Variants in YES1 observed in about 807,000 individuals in gnomAD.
YES1 encodes the protein YES proto-oncogene 1, Src family tyrosine kinase, also known as tyrosine-protein kinase Yes.
YES1 carries 39 observed loss-of-function variants against 70.4 expected under a neutral mutation model. The observed-to-expected ratio is 0.55, with a 90% CI of 0.43 to 0.72. The LOEUF is 0.72. Ranked by LOEUF, YES1 falls within the 30% of genes least tolerant of loss-of-function variation. The probability of loss-of-function intolerance (pLI) is 0.00; values close to 1 mark genes in which losing one functional copy is unlikely to be tolerated. For missense variants in YES1, 495 were observed against 644.8 expected (o/e 0.77, Z 2.52); for synonymous variants, 198 against 218.6 (o/e 0.91, Z 0.83).
chr18:774,412 T>A (rs901347958), intron 1 of YES1, among the ~76,000 whole-genome samples: 13 of 152,196 alleles, frequency 8.5e-5, no homozygotes, highest in African/African-American at 2.9e-4. Flanking sequence ...ATACCTTCAC[T>A]TGGACGTCTA....
intron 1 of YES1, among the ~76,000 whole-genome samples, chr18:762,147 C>G (rs974702072): frequency 6.6e-6 from 1 of 152,062 alleles, no homozygotes; most frequent in African/African-American, 2.4e-5. Flanking sequence ...GTGGAGAAAC[C>G]CTGTCTCTAC....
intron 8 of YES1, 98 bp from the exon 9 acceptor site, chr18:739,909 T>A (rs1442513085): frequency 2.3e-6 from 2 of 868,686 alleles, no homozygotes; most frequent in Non-Finnish European, 3.3e-6. Context: ...CAAAACTTCT[T>A]AGCTTTTCAT....
intron 1 of YES1, among the ~76,000 whole-genome samples, chr18:807,914 G>GTA (rs1907179869): frequency 6.6e-6 from 1 of 152,030 alleles, no homozygotes; most frequent in Admixed American, 6.6e-5. Context: ...GTGAAATGAA[G>GTA]TATAATGCTT....
intron 11 of YES1, among the ~76,000 whole-genome samples, chr18:728,317 T>C (rs1407175369): frequency 2.9e-5 from 3 of 105,038 alleles, no homozygotes; most frequent in Non-Finnish European, 5.8e-5. Flanking sequence ...ACAGAGACCC[T>C]GTCTCAAAAA....
chr18:812,330 C>G (rs945858723), upstream of YES1: 3 of 6,280 alleles, frequency 4.8e-4, no homozygotes, highest in South Asian at 0.012. Context: ...CTCCTCCGCC[C>G]CCCCCCCCCG....
At chr18:802,677 A>T (rs2145836753) in intron 1 of YES1, among the ~76,000 whole-genome samples, 1 of 152,314 alleles carries the variant, frequency 6.6e-6, no homozygotes. Context: ...GTTATGGCAT[A>T]TGGAACAGGC....
intron 1 of YES1, among the ~76,000 whole-genome samples, chr18:798,763 G>C (rs1598944950): frequency 6.6e-6 from 1 of 152,116 alleles, no homozygotes; most frequent in African/African-American, 2.4e-5. Context: ...CTCCTTCAGG[G>C]GGTACACTGT....
At chr18:734,791 G>T (rs141278786) in intron 10 of YES1, among the ~76,000 whole-genome samples, 27 of 152,202 alleles carry the variant, frequency 1.8e-4, no homozygotes, top group African/African-American at 5.8e-4. Context: ...AAAACAGTAT[G>T]GAAACTCCTT....
intron 11 of YES1, among the ~76,000 whole-genome samples, chr18:732,435 T>TAAAAAAAAA (rs11460599): frequency 3.3e-5 from 3 of 90,494 alleles, no homozygotes; most frequent in Non-Finnish European, 4.1e-5. Context: ...AGACTGTGTT[T>TAAAAAAAAA]AAAAAAAAAA....
chr18:725,105 TTATC>T (rs2080001755), intron 11 of YES1, among the ~76,000 whole-genome samples: 1 of 152,258 alleles, frequency 6.6e-6, no homozygotes, highest in African/African-American at 2.4e-5. Context: ...GAAAGTTTCC[TTATC>T]TAATATTACC....
chr18:761,087 C>A (rs1039529402), intron 1 of YES1, among the ~76,000 whole-genome samples: 1 of 152,076 alleles, frequency 6.6e-6, no homozygotes, highest in Non-Finnish European at 1.5e-5. Flanking sequence ...TTTGTGGTTA[C>A]CAGACTGGAA....
chr18:804,925 A>AAAAAAAAAC (rs1555692642), intron 1 of YES1, among the ~76,000 whole-genome samples: 3 of 150,924 alleles, frequency 2.0e-5, no homozygotes, highest in South Asian at 2.1e-4. Context: ...AAAAAAAAAA[A>AAAAAAAAAC]CACAAACCAA....
At chr18:765,247 ACTATATATATATATATAT>A (rs1568204686) in intron 1 of YES1, among the ~76,000 whole-genome samples, 1 of 62,362 alleles carries the variant, frequency 1.6e-5, no homozygotes, top group African/African-American at 5.6e-5. Flanking sequence ...AAGAGTTACA[ACTATATATATATATATAT>A]ATATATATAT....
chr18:807,095 C>A (rs1207759996), intron 1 of YES1, among the ~76,000 whole-genome samples: 1 of 152,118 alleles, frequency 6.6e-6, no homozygotes, highest in African/African-American at 2.4e-5. Context: ...CACGGTGAGA[C>A]CCCATCTCTC....
chr18:726,153 C>A (rs1046429597), intron 11 of YES1, among the ~76,000 whole-genome samples: 8 of 152,094 alleles, frequency 5.3e-5, no homozygotes, highest in Non-Finnish European at 1.0e-4. Context: ...AGGCCGGGTG[C>A]GGTGGCTCAT....
chr18:763,728 C>T (rs558609324), intron 1 of YES1, among the ~76,000 whole-genome samples: 6 of 131,280 alleles, frequency 4.6e-5, no homozygotes, highest in Non-Finnish European at 6.5e-5. Flanking sequence ...AAAAAAAAGA[C>T]GAGCTGGAAC....
At chr18:753,085 A>G (rs774125157) in intron 2 of YES1, among the ~76,000 whole-genome samples, 29 of 152,234 alleles carry the variant, frequency 1.9e-4, no homozygotes, top group Non-Finnish European at 3.5e-4. Flanking sequence ...AACAAAACAA[A>G]TAATAAAACA....
In YES1 at chr18:774,501, C is replaced by T. The variant is rs114094942; in HGVS notation, c.-8-17666G>A. On this transcript the variant is annotated intron_variant, in intron 1 of 11. Transcript: ENST00000314574. ...GCTCCTCCTGCAATCTTCCCCAACTCGATAAATGTTAACGCCATTCTTCTA... is the reference window on the plus strand; with the variant it reads ...GCTCCTCCTGCAATCTTCCCCAACTTGATAAATGTTAACGCCATTCTTCTA... Among the ~76,000 whole-genome samples, 641 of 152,236 alleles carry T rather than the reference C, an allele frequency of 4.2e-3. 3 individuals carry two copies. Among genetic ancestry groups the T allele is most frequent in the African/African-American group, 0.015 (612 of 41,552 alleles).
chr18:745,788 C>G lies in YES1; in HGVS notation c.644G>C (p.Arg215Thr), dbSNP rs1450501503. The G allele has an allele frequency of 6.2e-7, 1 of 1,613,100 alleles. No homozygotes were observed. The highest frequency in any genetic ancestry group is 1.8e-4 in the Middle Eastern group (1 of 5,652). ...RGDNVKHYKI[R>T]KLDNGGYYIT... ...ATAGTATCCACCATTGTCAAGTTTC[C>G]TAATTTTGTAGTGTTTCACATTGTC... is the stretch of plus-strand genomic sequence containing the variant. Residue 215 changes from arginine (R) to threonine (T), a missense_variant, in exon 6 of 12, where the codon AGG becomes ACG. Arg to Thr is a moderately conservative substitution (Grantham distance 71). This residue lies in a region of YES1 where 385 missense variants were observed against 540.9 expected (regional missense o/e 0.71). Transcript: ENST00000314574.
Sources: gnomAD v4.1 joint callset for allele counts (sites outside exome capture counted in the v4.1 genomes callset) on GRCh38, gnomAD v4.1.1 for gene constraint, gnomAD v4.1.1 regional missense constraint, MANE v1.5 for transcripts, NCBI Gene and HGNC (gene_info 2026-07-23, HGNC 2026-07-21) for gene names.